The following RAD51B variants were observed in gnomAD, a reference collection of about 807,000 sequenced individuals.
RAD51B encodes the protein RAD51 paralog B, also known as DNA repair protein RAD51 homolog 2.
Under a neutral mutation model 42.2 loss-of-function variants are expected in RAD51B, and 38 were observed. The observed-to-expected ratio is 0.90, with a 90% confidence interval of 0.70 to 1.18. RAD51B has a LOEUF of 1.18. Among genes scored for constraint, RAD51B ranks in the 50% most tolerant of loss-of-function variants. The pLI is 0.00. For missense variants in RAD51B, 373 were observed against 400.7 expected, an observed-to-expected ratio of 0.93 and a Z score of 0.59; for synonymous variants, 154 against 145.2, an observed-to-expected ratio of 1.06 and a Z score of -0.43.
In RAD51B at chr14:68,676,935, CG is replaced by C. The variant is rs1222129351; in HGVS notation, c.*11+26085del. Among the ~76,000 whole-genome samples, 5 of 152,128 alleles carry C rather than the reference CG, an allele frequency of 3.3e-5. No homozygotes were observed. The South Asian group carries it at 1.0e-3, about 32-fold the overall frequency. The stretch of plus-strand genomic sequence containing the variant: ...TCTTGCAGCGCCACACTAGGCTGGG[CG>C]GGGGGCCTGCTGAAGTGACTGGTCC... On this transcript the variant is annotated intron_variant, in intron 11 of 11. Transcript: ENST00000488612.
chr14:68,570,883 ACACACACACACACATG>A (rs1207037482), intron 10 of RAD51B, among the ~76,000 whole-genome samples: 1 of 151,110 alleles, frequency 6.6e-6, no homozygotes, highest in African/African-American at 2.4e-5. Flanking sequence ...CCACACACAC[ACACACACACACACATG>A]CACACACACA....
intron 8 of RAD51B, among the ~76,000 whole-genome samples, chr14:68,399,411 A>C (rs555391640): frequency 3.3e-5 from 5 of 151,856 alleles, no homozygotes; most frequent in Non-Finnish European, 2.9e-5. Flanking sequence ...CACCCGCCAC[A>C]ATGCCCGGCT....
At chr14:68,406,392 A>G (rs974106154) in intron 8 of RAD51B, among the ~76,000 whole-genome samples, 2 of 152,220 alleles carry the variant, frequency 1.3e-5, no homozygotes, top group African/African-American at 4.8e-5. Context: ...TGTACTGAAT[A>G]CTATAGGCAA....
chr14:68,198,432 C>T (rs1256127306), intron 7 of RAD51B, among the ~76,000 whole-genome samples: 2 of 152,046 alleles, frequency 1.3e-5, no homozygotes, highest in African/African-American at 4.8e-5. Flanking sequence ...AAATATTTTG[C>T]ACTTCATATA....
At chr14:68,459,874 T>C (rs796502766) in intron 9 of RAD51B, among the ~76,000 whole-genome samples, 7 of 152,128 alleles carry the variant, frequency 4.6e-5, no homozygotes, top group African/African-American at 1.4e-4. Context: ...TGCCAGGTCA[T>C]TTCACTCTTC....
At chr14:67,933,156 T>C (rs1262285233) in intron 7 of RAD51B, among the ~76,000 whole-genome samples, 2 of 152,234 alleles carry the variant, frequency 1.3e-5, no homozygotes, top group Non-Finnish European at 2.9e-5. Context: ...TTGTGCTGCC[T>C]TTCCGGTAGA....
chr14:68,358,851 T>G (rs1008359101), intron 8 of RAD51B, among the ~76,000 whole-genome samples: 3 of 152,166 alleles, frequency 2.0e-5, no homozygotes, highest in Admixed American at 6.5e-5. Flanking sequence ...ATTTTAAGAA[T>G]AGCTTGTTTT....
chr14:67,914,157 ATTT>A (rs2044077893), intron 7 of RAD51B, among the ~76,000 whole-genome samples: 1 of 151,910 alleles, frequency 6.6e-6, no homozygotes. Flanking sequence ...TAATTTTTGT[ATTT>A]TTAGTAAAGA....
chr14:68,568,235 A>G (rs1465543313), intron 10 of RAD51B, among the ~76,000 whole-genome samples: 1 of 152,252 alleles, frequency 6.6e-6, no homozygotes, highest in East Asian at 1.9e-4. Context: ...TAAGATAGAA[A>G]CATGGGTAAA....
At chr14:67,927,262 G>C (rs1171260827) in intron 7 of RAD51B, among the ~76,000 whole-genome samples, 1 of 152,106 alleles carries the variant, frequency 6.6e-6, no homozygotes, top group Non-Finnish European at 1.5e-5. Context: ...GGGTTCATGT[G>C]AGAGTTTGCT....
At chr14:68,090,181 C>T (rs2077066113) in intron 7 of RAD51B, among the ~76,000 whole-genome samples, 3 of 152,238 alleles carry the variant, frequency 2.0e-5, no homozygotes, top group African/African-American at 7.2e-5. Context: ...ATATCAAGAG[C>T]TTGGAGTACT....
intron 7 of RAD51B, among the ~76,000 whole-genome samples, chr14:68,063,970 C>CAAAA (rs1420134638): frequency 1.3e-5 from 2 of 151,950 alleles, no homozygotes; most frequent in Non-Finnish European, 2.9e-5. Context: ...AATTGTTTAT[C>CAAAA]TTGCAGTTTG....
chr14:68,373,475 T>C (rs1409607052), intron 8 of RAD51B, among the ~76,000 whole-genome samples: 4 of 152,180 alleles, frequency 2.6e-5, no homozygotes, highest in African/African-American at 4.8e-5. Context: ...TTCAGGGACA[T>C]GGATGAAGCT....
chr14:68,275,912 C>T (rs1465218049), intron 7 of RAD51B, among the ~76,000 whole-genome samples: 1 of 151,578 alleles, frequency 6.6e-6, no homozygotes, highest in East Asian at 1.9e-4. Flanking sequence ...CTGTAGGAAC[C>T]AAGTTCAGTG....
chr14:68,194,086 T>G (rs1321481087), intron 7 of RAD51B, among the ~76,000 whole-genome samples: 2 of 152,240 alleles, frequency 1.3e-5, no homozygotes, highest in Non-Finnish European at 2.9e-5. Flanking sequence ...ACTTTTTTCC[T>G]TTGCAGCATA....
intron 7 of RAD51B, among the ~76,000 whole-genome samples, chr14:68,198,497 A>G (rs937342088): frequency 2.0e-5 from 3 of 152,162 alleles, no homozygotes; most frequent in African/African-American, 7.2e-5. Flanking sequence ...TTTCACTGGG[A>G]TTGTAATGAA....
intron 8 of RAD51B, among the ~76,000 whole-genome samples, chr14:68,393,897 T>A (rs910755018): frequency 6.6e-6 from 1 of 152,210 alleles, no homozygotes; most frequent in Non-Finnish European, 1.5e-5. Context: ...CCTGCCCCAC[T>A]GTTTGAAAGA....
At chr14:68,243,144 AAAACAG>A (rs2080427535) in intron 7 of RAD51B, among the ~76,000 whole-genome samples, 1 of 152,202 alleles carries the variant, frequency 6.6e-6, no homozygotes, top group East Asian at 1.9e-4. Context: ...GGGACTATTT[AAAACAG>A]AAATTTTAAA....
chr14:67,913,196 A>T (rs2044045895), intron 7 of RAD51B, among the ~76,000 whole-genome samples: 1 of 152,148 alleles, frequency 6.6e-6, no homozygotes, highest in Admixed American at 6.5e-5. Context: ...CACTGCTGTC[A>T]CCCTAGTTTT....
Sources: allele counts gnomAD v4.1 joint callset (sites outside exome capture counted in the v4.1 genomes callset), GRCh38; gene constraint gnomAD v4.1.1; transcripts MANE v1.5; gene names NCBI Gene and HGNC (gene_info 2026-07-23, HGNC 2026-07-21).